Variants in PPP2R5C observed in about 807,000 individuals in gnomAD.
The protein encoded by PPP2R5C is serine/threonine-protein phosphatase 2A 56 kDa regulatory subunit gamma isoform.
A neutral mutation model predicts 68.9 loss-of-function variants in PPP2R5C; 7 were observed. The ratio of observed to expected loss-of-function variants is 0.10; its 90% CI spans 0.06 to 0.19. PPP2R5C has a LOEUF of 0.19. Ranked by LOEUF, PPP2R5C falls within the 10% of genes least tolerant of loss-of-function variation. The pLI, the probability that PPP2R5C is intolerant of heterozygous loss-of-function variation, is 1.00. For synonymous variants in PPP2R5C, 210 were observed against 222.2 expected, an observed-to-expected ratio of 0.95 and a Z score of 0.49; for missense variants, 348 against 641.3, an observed-to-expected ratio of 0.54 and a Z score of 4.94.
At chr14:101,829,801 G>A (rs1266309420) in intron 1 of PPP2R5C, among the ~76,000 whole-genome samples, 2 of 152,100 alleles carry the variant, frequency 1.3e-5, no homozygotes, top group East Asian at 1.9e-4. Context: ...TCATCCTTAC[G>A]CAGTGCCTTC....
intron 13 of PPP2R5C, among the ~76,000 whole-genome samples, chr14:101,922,782 C>T (rs2047083428): frequency 6.6e-6 from 1 of 152,084 alleles, no homozygotes; most frequent in Non-Finnish European, 1.5e-5. Context: ...CATGCCACTG[C>T]ATTCCAGCCT....
At chr14:101,808,357 T>C (rs966288781), upstream of PPP2R5C, among the ~76,000 whole-genome samples, 4 of 152,124 alleles carry the variant, frequency 2.6e-5, no homozygotes, top group African/African-American at 9.7e-5. Context: ...GCTCAGGTGG[T>C]GCGTGCCCAC....
At chr14:101,827,504 A>C (rs2040468185) in intron 1 of PPP2R5C, among the ~76,000 whole-genome samples, 1 of 152,162 alleles carries the variant, frequency 6.6e-6, no homozygotes, top group South Asian at 2.1e-4. Flanking sequence ...ACTAATGGGC[A>C]GAGACAACAC....
intron 8 of PPP2R5C, among the ~76,000 whole-genome samples, chr14:101,895,654 C>T (rs772939592): frequency 2.0e-5 from 3 of 152,178 alleles, no homozygotes; most frequent in Non-Finnish European, 4.4e-5. Flanking sequence ...CTTCATTCCT[C>T]ATCATGGTTG....
intron 1 of PPP2R5C, among the ~76,000 whole-genome samples, chr14:101,822,716 A>G (rs1168121949): frequency 6.6e-6 from 1 of 152,224 alleles, no homozygotes; most frequent in Non-Finnish European, 1.5e-5. Context: ...TTCTCATTCA[A>G]ATAGTCTAAT....
At chr14:101,868,005 A>G (rs759607852) in intron 2 of PPP2R5C, among the ~76,000 whole-genome samples, 1 of 152,006 alleles carries the variant, frequency 6.6e-6, no homozygotes, top group African/African-American at 2.4e-5. Flanking sequence ...CACACCCTGC[A>G]CCCCCAGATG....
At chr14:101,925,226 A>C in exon 14 of PPP2R5C, 1 of 1,613,848 alleles carries the variant, frequency 6.2e-7, no homozygotes. Context: ...AAAGCCTTGG[A>C]AGCTCACTGC....
At chr14:101,822,093 C>T (rs2040119821) in intron 1 of PPP2R5C, among the ~76,000 whole-genome samples, 1 of 134,960 alleles carries the variant, frequency 7.4e-6, no homozygotes, top group Non-Finnish European at 1.6e-5. Context: ...CCCCCCCACA[C>T]ACACACATCC....
At chr14:101,780,887 T>C (rs1450121091) in intron 2 of PPP2R5C, among the ~76,000 whole-genome samples, 16 of 152,146 alleles carry the variant, frequency 1.1e-4, no homozygotes, top group Admixed American at 1.0e-3. Flanking sequence ...AGCATTTGGC[T>C]CAACCCCAGA....
At chr14:101,912,307 C>T (rs1220071861) in intron 11 of PPP2R5C, 94 bp from the exon 14 acceptor site, 1 of 1,079,206 alleles carries the variant, frequency 9.3e-7, no homozygotes, top group Non-Finnish European at 1.3e-6. Flanking sequence ...GGAGGAGCCG[C>T]TGGCTGGGCT....
At chr14:101,868,351 A>G (rs1177952531) in intron 2 of PPP2R5C, among the ~76,000 whole-genome samples, 1 of 152,244 alleles carries the variant, frequency 6.6e-6, no homozygotes, top group East Asian at 1.9e-4. Flanking sequence ...AAATTATAAA[A>G]GAAATACATG....
chr14:101,861,772 T>G (rs2042753156), intron 2 of PPP2R5C, among the ~76,000 whole-genome samples: 1 of 152,212 alleles, frequency 6.6e-6, no homozygotes, highest in East Asian at 1.9e-4. Flanking sequence ...ACCTGAAAAC[T>G]GACAGACAAA....
At chr14:101,793,215 G>A (rs544014139) in intron 3 of PPP2R5C, among the ~76,000 whole-genome samples, 42 of 152,100 alleles carry the variant, frequency 2.8e-4, no homozygotes, top group Non-Finnish European at 5.0e-4. Context: ...GTTCCTTTCA[G>A]TAGTAAATAT....
rs140979231 is a variant in PPP2R5C at position 101,873,469 on chromosome 14, G to A, written c.295-8692G>A. Among the ~76,000 whole-genome samples, 1,061 of 152,258 alleles carry A rather than the reference G, an allele frequency of 7.0e-3. 6 individuals are homozygous for A. Among genetic ancestry groups the A allele is most frequent in the Non-Finnish European group, 0.011 (718 of 68,028 alleles). On this transcript the variant is annotated intron_variant, in intron 2 of 13. Coordinates refer to ENST00000334743, the Ensembl canonical transcript of PPP2R5C. The stretch of plus-strand genomic sequence containing the variant: ...CAGGAACAGTTATATTAAAACCAGA[G>A]CTAATTATTCTCCACCACTGAGACC...
At position 101,905,303 on chromosome 14, in the gene PPP2R5C, G is replaced by A. The variant is rs554914212; in HGVS notation, c.1024-1099G>A. 2.7e-4 allele frequency among the ~76,000 whole-genome samples: 41 copies of A among 151,686 alleles called. No individual in the cohort carries two copies. The East Asian group carries it at 7.4e-3, about 27-fold the overall frequency. Reference sequence around the variant, plus strand: ...CAGGAGGCAGAGGTTGTAGTGAGTCGAGATAGCACCACTGCACTCCAGCCT... The same window carrying A: ...CAGGAGGCAGAGGTTGTAGTGAGTCAAGATAGCACCACTGCACTCCAGCCT... On this transcript the variant is annotated intron_variant, in intron 9 of 13. Coordinates refer to ENST00000334743, the Ensembl canonical transcript of PPP2R5C.
Position 101,840,744 on chromosome 14 carries a change from G to A in PPP2R5C, c.95-15942G>A, listed in dbSNP as rs75479784. ...CTGCCCTGTTACAAGATCAAGAACA[G>A]CAAAGCACTATTGCTGTGCTGTTTA... On this transcript the variant is annotated intron_variant, in intron 1 of 13. Coordinates refer to ENST00000334743, the Ensembl canonical transcript of PPP2R5C. 5.9e-5 allele frequency among the ~76,000 whole-genome samples: 9 copies of A among 152,294 alleles called. No individual in the cohort carries two copies. In the East Asian group the frequency reaches 1.7e-3, roughly 29 times the overall value.
intron 13 of PPP2R5C, among the ~76,000 whole-genome samples, chr14:101,919,373 C>A (rs895653214): frequency 6.6e-6 from 1 of 152,184 alleles, no homozygotes; most frequent in Non-Finnish European, 1.5e-5. Flanking sequence ...CCATATTCTC[C>A]TCACCATGAA....
At chr14:101,909,270 T>C (rs1210070620) in intron 10 of PPP2R5C, among the ~76,000 whole-genome samples, 3 of 152,238 alleles carry the variant, frequency 2.0e-5, no homozygotes, top group Non-Finnish European at 2.9e-5. Flanking sequence ...TTGTCCTCTT[T>C]ATAATTTTGT....
intron 10 of PPP2R5C, among the ~76,000 whole-genome samples, chr14:101,907,202 G>C (rs1418771510): frequency 6.6e-6 from 1 of 151,962 alleles, no homozygotes; most frequent in Non-Finnish European, 1.5e-5. Flanking sequence ...ACAGGGTCTT[G>C]CTATGTCCCC....
Sources: allele counts gnomAD v4.1 joint callset (sites outside exome capture counted in the v4.1 genomes callset), GRCh38; gene constraint gnomAD v4.1.1; transcripts MANE v1.5; gene names NCBI Gene and HGNC (gene_info 2026-07-23, HGNC 2026-07-21).